The following STRAP variants were observed in gnomAD, a reference collection of about 807,000 sequenced individuals.
STRAP encodes the protein serine-threonine kinase receptor-associated protein.
In STRAP, 16 loss-of-function variants were observed where a neutral mutation model predicts 47.0. The observed-to-expected ratio is 0.34, with a 90% confidence interval of 0.23 to 0.52. STRAP has a LOEUF of 0.52. Ranked by LOEUF, STRAP falls within the 20% of genes least tolerant of loss-of-function variation. The pLI is 0.96. For synonymous variants in STRAP, 130 were observed against 142.7 expected, an observed-to-expected ratio of 0.91 and a Z score of 0.63; for missense variants, 293 against 420.0, an observed-to-expected ratio of 0.70 and a Z score of 2.64.
chr12:15,887,260 G>T lies in STRAP; in HGVS notation c.249-2668G>T, dbSNP rs1947979607. Among the ~76,000 whole-genome samples, 1 of 152,160 alleles carries T rather than the reference G, an allele frequency of 6.6e-6. No homozygotes were observed. The highest frequency in any genetic ancestry group is 1.5e-5 in the Non-Finnish European group (1 of 68,030). On this transcript the variant is annotated intron_variant, in intron 2 of 9. Transcript: ENST00000419869. The surrounding 1 kb of genome is among the most constrained non-coding windows in gnomAD (Gnocchi z 5.5). ...GCTCCTATTATGAGACTTACGGTAA[G>T]TTCATTCTGAGGATATGGAAAGTAT...
chr12:15,882,477 C>G lies in STRAP; in HGVS notation c.-231C>G. 3 of 460,868 alleles carry G rather than the reference C, an allele frequency of 6.5e-6. No homozygotes were observed. The highest frequency in any genetic ancestry group is 7.9e-6 in the Non-Finnish European group (2 of 252,848). 28.5% of individuals were successfully genotyped at this position (460,868 alleles called of 1,614,324 possible). The stretch of plus-strand genomic sequence containing the variant: ...CTCCCCATCCCCTACTTTCCTCCCT[C>G]CCTCCCTTTCCCTCCCTCGTCGACT... On this transcript the variant is annotated 5_prime_UTR_variant, in exon 1 of 10. Coordinates refer to ENST00000419869, the MANE Select transcript of STRAP (RefSeq NM_007178.4).
chr12:15,883,510 T>A, intron 1 of STRAP, 31 bp from the exon 2 acceptor site: 1 of 1,595,232 alleles, frequency 6.3e-7, no homozygotes, highest in Non-Finnish European at 8.5e-7. Context: ...TCTGAACTTA[T>A]AAATTACATG....
intron 4 of STRAP, among the ~76,000 whole-genome samples, chr12:15,891,694 G>A (rs762873281): frequency 5.3e-5 from 8 of 152,198 alleles, no homozygotes; most frequent in Non-Finnish European, 4.4e-5. Flanking sequence ...TGTAATCCCA[G>A]TGCTTTGGGA....
At chr12:15,889,889 T>G (rs1565574348) in intron 2 of STRAP, 39 bp from the exon 3 acceptor site, 1 of 1,505,844 alleles carries the variant, frequency 6.6e-7, no homozygotes, top group Non-Finnish European at 9.2e-7. Flanking sequence ...ATATATTGGG[T>G]AATATTTATC....
chr12:15,903,051 A>G lies in STRAP; in HGVS notation c.*73A>G, dbSNP rs2136115590. Reference sequence around the variant, plus strand: ...GCAGAGAAAAGCATCAGCCTTCCAGAGTTACTGTCTGCTTAAGGCAGAAAC... The same window carrying G: ...GCAGAGAAAAGCATCAGCCTTCCAGGGTTACTGTCTGCTTAAGGCAGAAAC... On this transcript the variant is annotated 3_prime_UTR_variant, in exon 10 of 10. Transcript: ENST00000419869. 2.1e-6 allele frequency: 3 copies of G among 1,431,266 alleles called. No homozygotes were observed. Among genetic ancestry groups the G allele is most frequent in the Non-Finnish European group, 2.8e-6 (3 of 1,080,928 alleles). 88.7% of individuals were successfully genotyped at this position (1,431,266 alleles called of 1,614,324 possible).
In STRAP at chr12:15,894,294, A is replaced by G. The variant is rs1217357692; in HGVS notation, c.500+151A>G. ...GCCGACATGGCGAAATACTGTCTCT[A>G]TGAAAATTACAAAACTTAGCCAAGC... On this transcript the variant is annotated intron_variant, in intron 5 of 9. Transcript: ENST00000419869. The surrounding 1 kb of genome is among the most constrained non-coding windows in gnomAD (Gnocchi z 4.9). 5.1e-6 allele frequency: 3 copies of G among 593,176 alleles called. No homozygotes were observed. Among genetic ancestry groups the G allele is most frequent in the Admixed American group, 3.2e-5 (1 of 31,686 alleles). 36.7% of individuals were successfully genotyped at this position (593,176 alleles called of 1,614,324 possible). A position where few individuals can be genotyped will look rare whatever the true frequency, so the allele number is the denominator to read the frequency against.
chr12:15,893,091 C>G lies in STRAP; in HGVS notation c.404-956C>G, dbSNP rs546681874. On this transcript the variant is annotated intron_variant, in intron 4 of 9. Coordinates refer to ENST00000419869, the MANE Select transcript of STRAP (RefSeq NM_007178.4). ...AAATAGTGTTGAATGGCATTGCCTC[C>G]AGTGTCTGCTTTTGCCCCTAGAGAC... 1.5e-4 allele frequency among the ~76,000 whole-genome samples: 23 copies of G among 152,276 alleles called. 1 individual carries two copies. The South Asian group carries it at 4.6e-3, about 30-fold the overall frequency.
Position 15,894,658 on chromosome 12 carries a change from C to G in STRAP, c.500+515C>G, listed in dbSNP as rs1433403826. Among the ~76,000 whole-genome samples the G allele has an allele frequency of 6.6e-6, 1 of 152,156 alleles. No individual in the cohort carries two copies. Among genetic ancestry groups the G allele is most frequent in the Non-Finnish European group, 1.5e-5 (1 of 68,032 alleles). ...TCTGAAATTTGAAACGCTCTGAAAT[C>G]TGAGACTTTGAGTGCCGACTTGATG... is the stretch of plus-strand genomic sequence containing the variant. On this transcript the variant is annotated intron_variant, in intron 5 of 9. Coordinates refer to ENST00000419869, the MANE Select transcript of STRAP (RefSeq NM_007178.4). The surrounding 1 kb of genome is among the most constrained non-coding windows in gnomAD (Gnocchi z 4.9).
In STRAP at chr12:15,903,076, C is replaced by T; in HGVS notation, c.*98C>T. ...AGTTACTGTCTGCTTAAGGCAGAAA[C>T]AGCAGTAAATAATGAGGAAAATGAA... On this transcript the variant is annotated 3_prime_UTR_variant, in exon 10 of 10. Coordinates refer to ENST00000419869, the MANE Select transcript of STRAP (RefSeq NM_007178.4). 1 of 1,290,224 alleles carries T rather than the reference C, an allele frequency of 7.8e-7. No individual in the cohort carries two copies. Among genetic ancestry groups the T allele is most frequent in the Non-Finnish European group, 1.0e-6 (1 of 967,342 alleles). The allele number at this position is 1,290,224 out of a possible 1,614,324, so 79.9% of individuals were successfully genotyped here.
chr12:15,899,191 T>A (rs945440155), intron 7 of STRAP, among the ~76,000 whole-genome samples: 1 of 152,234 alleles, frequency 6.6e-6, no homozygotes, highest in African/African-American at 2.4e-5. Flanking sequence ...CTTTGTACTC[T>A]TACAACTTTT....
Position 15,895,398 on chromosome 12 carries a change from A to G in STRAP, c.540A>G (p.Leu180=). ...DHATMTEVKS[L]NFNMSVSSME... is the part of the protein sequence containing the mutation. ...CTACTATGACAGAAGTGAAATCTCTAAATTTTAATATGTCTGTTAGTAGTA... is the reference window on the plus strand; with the variant it reads ...CTACTATGACAGAAGTGAAATCTCTGAATTTTAATATGTCTGTTAGTAGTA... Residue 180 remains leucine, a synonymous_variant, in exon 6 of 10, where the codon CTA becomes CTG. Transcript: ENST00000419869. 6.3e-7 allele frequency: 1 copy of G among 1,596,412 alleles called. No individual in the cohort carries two copies. The highest frequency in any genetic ancestry group is 1.2e-5 in the South Asian group (1 of 86,474).
intron 9 of STRAP, 90 bp from the exon 10 acceptor site, chr12:15,902,827 C>A: frequency 7.2e-7 from 1 of 1,385,782 alleles, no homozygotes; most frequent in South Asian, 1.6e-5. Flanking sequence ...CTTTTTCATT[C>A]CTTCATTACA....
chr12:15,903,089 T>A lies in STRAP; in HGVS notation c.*111T>A. The A allele has an allele frequency of 1.7e-6, 2 of 1,204,308 alleles. No homozygotes were observed. The highest frequency in any genetic ancestry group is 2.2e-6 in the Non-Finnish European group (2 of 896,172). The allele number at this position is 1,204,308 out of a possible 1,614,324, so 74.6% of individuals were successfully genotyped here. On this transcript the variant is annotated 3_prime_UTR_variant, in exon 10 of 10. Coordinates refer to ENST00000419869, the MANE Select transcript of STRAP (RefSeq NM_007178.4). ...TTAAGGCAGAAACAGCAGTAAATAA[T>A]GAGGAAAATGAATTAGCTCCAGTGC...
At position 15,887,346 on chromosome 12, in the gene STRAP, TGACAA is replaced by T. The variant is rs1038885433; in HGVS notation, c.249-2580_249-2576del. Among the ~76,000 whole-genome samples the T allele has an allele frequency of 3.3e-5, 5 of 152,174 alleles. No individual in the cohort carries two copies. Among genetic ancestry groups the T allele is most frequent in the Admixed American group, 3.3e-4 (5 of 15,282 alleles). ...AAGAGGTAACAGTAGTTTAAGGAGATGACAAGTACTTCGTGGGATGTGAAGAAAAT... is the reference window on the plus strand; with the variant it reads ...AAGAGGTAACAGTAGTTTAAGGAGATGTACTTCGTGGGATGTGAAGAAAAT... On this transcript the variant is annotated intron_variant, in intron 2 of 9. Transcript: ENST00000419869. This position sits in a 1 kb window ranked among gnomAD's most constrained non-coding sequence, Gnocchi z 5.5.
chr12:15,894,405 G>A lies in STRAP; in HGVS notation c.500+262G>A, dbSNP rs1948043794. ...ACCTGCGAGGCAGAGGTTGCGGTGAGTCGAGATCGTGCCATTGCACTCTAG... is the reference window on the plus strand; with the variant it reads ...ACCTGCGAGGCAGAGGTTGCGGTGAATCGAGATCGTGCCATTGCACTCTAG... On this transcript the variant is annotated intron_variant, in intron 5 of 9. Coordinates refer to ENST00000419869, the MANE Select transcript of STRAP (RefSeq NM_007178.4). This position sits in a 1 kb window ranked among gnomAD's most constrained non-coding sequence, Gnocchi z 4.9. Among the ~76,000 whole-genome samples the A allele has an allele frequency of 6.6e-6, 1 of 152,258 alleles. No homozygotes were observed. The highest frequency in any genetic ancestry group is 1.5e-5 in the Non-Finnish European group (1 of 68,052).
intron 9 of STRAP, 31 bp from the exon 10 acceptor site, chr12:15,902,885 CT>C (rs71042274): frequency 0.13 from 139,188 of 1,071,948 alleles, 23 homozygotes; most frequent in Middle Eastern, 0.14. Flanking sequence ...ACTAATGTGA[CT>C]TTTTTTTTTT....
chr12:15,888,195 G>T (rs1357769236), intron 2 of STRAP, among the ~76,000 whole-genome samples: 3 of 152,194 alleles, frequency 2.0e-5, no homozygotes, highest in East Asian at 3.8e-4. Context: ...AGCCCTAAGG[G>T]TGAGTAGAAC....
chr12:15,893,927 C>A, intron 4 of STRAP, 120 bp from the exon 5 acceptor site: 1 of 759,304 alleles, frequency 1.3e-6, no homozygotes, highest in Non-Finnish European at 2.2e-6. Context: ...TTGGGCTGGG[C>A]TTTGAAAAGT....
rs1948045374 is a variant in STRAP at position 15,894,592 on chromosome 12, A to G, written c.500+449A>G. Reference sequence around the variant, plus strand: ...ACCCAGGTCACATTTATCTGGAGCTATCTATTTACTAATACAGGTTGAGTA... The same window carrying G: ...ACCCAGGTCACATTTATCTGGAGCTGTCTATTTACTAATACAGGTTGAGTA... On this transcript the variant is annotated intron_variant, in intron 5 of 9. Transcript: ENST00000419869. This position sits in a 1 kb window ranked among gnomAD's most constrained non-coding sequence, Gnocchi z 4.9. Among the ~76,000 whole-genome samples the G allele has an allele frequency of 6.6e-6, 1 of 152,246 alleles. No individual in the cohort carries two copies. Among genetic ancestry groups the G allele is most frequent in the South Asian group, 2.1e-4 (1 of 4,834 alleles).
Sources: allele counts gnomAD v4.1 joint callset (sites outside exome capture counted in the v4.1 genomes callset), GRCh38; gene constraint gnomAD v4.1.1; non-coding constraint Gnocchi (gnomAD v3.1); transcripts MANE v1.5; gene names NCBI Gene and HGNC (gene_info 2026-07-23, HGNC 2026-07-21).